The following SUGCT variants were observed in gnomAD, a reference collection of about 807,000 sequenced individuals.
SUGCT encodes succinyl-CoA:glutarate-CoA transferase.
Under a neutral mutation model 55.0 loss-of-function variants are expected in SUGCT, and 41 were observed. That is an observed-to-expected ratio of 0.74 (90% CI 0.58 to 0.97). The LOEUF is 0.97. Among genes scored for constraint, SUGCT ranks in the 50% least tolerant of loss-of-function variants. The pLI, the probability that SUGCT is intolerant of heterozygous loss-of-function variation, is 0.00. For missense variants in SUGCT, 568 were observed against 547.8 expected (o/e 1.04, Z -0.37); for synonymous variants, 187 against 200.4 (o/e 0.93, Z 0.56).
chr7:40,656,947 T>C (rs1404196453), intron 12 of SUGCT, among the ~76,000 whole-genome samples: 2 of 152,218 alleles, frequency 1.3e-5, no homozygotes, highest in African/African-American at 4.8e-5. Flanking sequence ...TACACTGCTC[T>C]TGTCATAGCA....
At chr7:40,448,881 C>T (rs754650054) in intron 9 of SUGCT, among the ~76,000 whole-genome samples, 1 of 150,134 alleles carries the variant, frequency 6.7e-6, no homozygotes, top group Non-Finnish European at 1.5e-5. Context: ...CTCATATATA[C>T]ATACATACAT....
At chr7:40,982,668 T>A in the SUGCT span, among the ~76,000 whole-genome samples, 1 of 152,128 alleles carries the variant, frequency 6.6e-6, no homozygotes, top group Non-Finnish European at 1.5e-5. Flanking sequence ...TTTTTTTTTA[T>A]TTTTTAGATA....
In SUGCT at chr7:40,514,679, C is replaced by T. The variant is rs964820321; in HGVS notation, c.1089+18293C>T. Among the ~76,000 whole-genome samples the T allele has an allele frequency of 3.1e-5, 4 of 127,912 alleles. No homozygotes were observed. The East Asian group carries it at 7.8e-4, about 25-fold the overall frequency. The allele number at this position is 127,912 out of a possible 152,430, so 83.9% of individuals were successfully genotyped here. A position where few individuals can be genotyped will look rare whatever the true frequency, so the allele number is the denominator to read the frequency against. On this transcript the variant is annotated intron_variant, in intron 12 of 13. Transcript: ENST00000335693. ...GAGCCGAGATCGTGCCATTGCACTGCGGCCTGGGCAACAAGAGCGAAACTC... is the reference window on the plus strand; with the variant it reads ...GAGCCGAGATCGTGCCATTGCACTGTGGCCTGGGCAACAAGAGCGAAACTC...
At chr7:40,592,746 CA>C (rs778258282) in intron 12 of SUGCT, among the ~76,000 whole-genome samples, 1 of 151,704 alleles carries the variant, frequency 6.6e-6, no homozygotes, top group South Asian at 2.1e-4. Flanking sequence ...TGTACCAAAA[CA>C]AAAAAAGAGG....
chr7:41,030,687 T>C, the SUGCT span, among the ~76,000 whole-genome samples: 6 of 152,126 alleles, frequency 3.9e-5, no homozygotes, highest in African/African-American at 1.4e-4. Context: ...AATCATACAT[T>C]ATAAATTCTG....
chr7:40,676,229 A>C (rs1783971178), intron 12 of SUGCT, among the ~76,000 whole-genome samples: 2 of 152,192 alleles, frequency 1.3e-5, no homozygotes, highest in African/African-American at 4.8e-5. Context: ...TTATTGTTAA[A>C]TTTAGATAAA....
At chr7:40,424,394 A>T (rs1787475282) in intron 9 of SUGCT, among the ~76,000 whole-genome samples, 2 of 152,150 alleles carry the variant, frequency 1.3e-5, no homozygotes, top group Admixed American at 6.6e-5. Flanking sequence ...GAAATTCTAT[A>T]AGCACTGCCT....
chr7:40,655,421 C>A (rs1272282847), intron 12 of SUGCT, among the ~76,000 whole-genome samples: 1 of 152,190 alleles, frequency 6.6e-6, no homozygotes, highest in African/African-American at 2.4e-5. Flanking sequence ...TTATAACCTG[C>A]TCCTTGGGAG....
In SUGCT at chr7:40,379,305, C is replaced by T. The variant is rs1037406480; in HGVS notation, c.816+62450C>T. Reference sequence around the variant, plus strand: ...GTTAGTCTGTGATAGTTTGTTATGGCAACCTTACAAAACTAATGCAGTCTA... The same window carrying T: ...GTTAGTCTGTGATAGTTTGTTATGGTAACCTTACAAAACTAATGCAGTCTA... On this transcript the variant is annotated intron_variant, in intron 9 of 13. Transcript: ENST00000335693. Among the ~76,000 whole-genome samples the T allele has an allele frequency of 3.9e-5, 6 of 152,286 alleles. 1 individual carries two copies. The highest frequency in any genetic ancestry group is 4.4e-5 in the Non-Finnish European group (3 of 68,006).
At chr7:40,794,100 G>T (rs971601064) in intron 13 of SUGCT, among the ~76,000 whole-genome samples, 5 of 151,948 alleles carry the variant, frequency 3.3e-5, no homozygotes, top group Admixed American at 2.6e-4. Flanking sequence ...AACTATTTAA[G>T]GATCTGATTC....
At chr7:40,204,334 G>T (rs1786815838) in intron 6 of SUGCT, among the ~76,000 whole-genome samples, 2 of 137,584 alleles carry the variant, frequency 1.5e-5, no homozygotes, top group South Asian at 4.7e-4. Flanking sequence ...ACGGAGTCTT[G>T]CTCTGTCACC....
the SUGCT span, among the ~76,000 whole-genome samples, chr7:40,889,200 G>A: frequency 1.3e-5 from 2 of 152,162 alleles, no homozygotes; most frequent in African/African-American, 2.4e-5. Flanking sequence ...ACCCTGGTGG[G>A]TAGGCCAGCC....
chr7:40,693,433 C>T (rs550460969), intron 12 of SUGCT, among the ~76,000 whole-genome samples: 2 of 152,114 alleles, frequency 1.3e-5, no homozygotes, highest in African/African-American at 4.8e-5. Context: ...ATTTTTGAAA[C>T]GGTAACCATA....
chr7:40,763,497 G>C (rs912521666), intron 13 of SUGCT, among the ~76,000 whole-genome samples: 22 of 151,994 alleles, frequency 1.4e-4, no homozygotes, highest in African/African-American at 5.3e-4. Context: ...TAAACTTTAG[G>C]CTTAGTTTAT....
At chr7:40,676,874 A>G (rs1157808529) in intron 12 of SUGCT, among the ~76,000 whole-genome samples, 2 of 149,432 alleles carry the variant, frequency 1.3e-5, no homozygotes. Flanking sequence ...CAAACATACA[A>G]ATGCAAACTT....
chr7:40,991,780 C>G, the SUGCT span, among the ~76,000 whole-genome samples: 1 of 152,032 alleles, frequency 6.6e-6, no homozygotes. Flanking sequence ...GGGCATGAAA[C>G]AACTTGGGCC....
chr7:40,281,032 A>G (rs1453687795), intron 8 of SUGCT, among the ~76,000 whole-genome samples: 1 of 152,200 alleles, frequency 6.6e-6, no homozygotes, highest in Admixed American at 6.5e-5. Flanking sequence ...AAAATATTAA[A>G]AATTACATTC....
chr7:40,676,894 C>CGT (rs3221667), intron 12 of SUGCT, among the ~76,000 whole-genome samples: 13,318 of 143,944 alleles, frequency 0.093, 661 homozygotes, highest in African/African-American at 0.15. Flanking sequence ...TTCAGAATGA[C>CGT]GTGTGTGTGT....
At chr7:40,261,090 A>G (rs1187732457) in intron 7 of SUGCT, among the ~76,000 whole-genome samples, 2 of 152,192 alleles carry the variant, frequency 1.3e-5, no homozygotes, top group Admixed American at 1.3e-4. Flanking sequence ...TTTCAGGGAT[A>G]TAAAGTAGAC....
Sources: allele counts gnomAD v4.1 joint callset (sites outside exome capture counted in the v4.1 genomes callset), GRCh38; gene constraint gnomAD v4.1.1; transcripts MANE v1.5; gene names NCBI Gene and HGNC (gene_info 2026-07-23, HGNC 2026-07-21).